MYOM1: variants seen among roughly 807,000 people sequenced by gnomAD.
The protein encoded by MYOM1 is myomesin-1.
Under a neutral mutation model 205.3 loss-of-function variants are expected in MYOM1, and 164 were observed. That is an observed-to-expected ratio of 0.80 (90% CI 0.70 to 0.91). The LOEUF (loss-of-function observed/expected upper bound fraction) is 0.91, where lower values mean the gene tolerates loss of function less well. MYOM1 is among the 40% of genes least tolerant of loss of function. The probability of loss-of-function intolerance (pLI) is 0.00; values close to 1 mark genes in which losing one functional copy is unlikely to be tolerated. For synonymous variants in MYOM1, 772 were observed against 789.4 expected (o/e 0.98, Z 0.37); for missense variants, 2,011 against 2,127.3 (o/e 0.95, Z 1.08).
chr18:3,202,140 A>C (rs2144211519), intron 2 of MYOM1, among the ~76,000 whole-genome samples: 1 of 152,302 alleles, frequency 6.6e-6, no homozygotes, highest in Admixed American at 6.5e-5. Context: ...AGATAGAAAT[A>C]AGTTAATATG....
the MYOM1 span, among the ~76,000 whole-genome samples, chr18:3,244,133 C>T: frequency 2.8e-3 from 425 of 152,252 alleles, no homozygotes; most frequent in South Asian, 6.0e-3. Context: ...TTCGCAGCGT[C>T]CCTGGCTTCT....
chr18:3,231,642 C>A, the MYOM1 span, among the ~76,000 whole-genome samples: 1 of 148,978 alleles, frequency 6.7e-6, no homozygotes, highest in Non-Finnish European at 1.5e-5. Context: ...CGGGTTCAAG[C>A]AATTCTCCTG....
intron 10 of MYOM1, among the ~76,000 whole-genome samples, chr18:3,157,366 C>G (rs1041130768): frequency 6.6e-6 from 1 of 152,108 alleles, no homozygotes; most frequent in African/African-American, 2.4e-5. Context: ...TCATTCAGTA[C>G]TCTTCTAGGT....
At chr18:3,230,820 T>C in the MYOM1 span, among the ~76,000 whole-genome samples, 1 of 152,252 alleles carries the variant, frequency 6.6e-6, no homozygotes, top group Non-Finnish European at 1.5e-5. Flanking sequence ...TCTCTGCTTT[T>C]GTTGCATCAT....
chr18:3,101,373 C>A (rs1366166238), intron 23 of MYOM1, among the ~76,000 whole-genome samples: 1 of 152,066 alleles, frequency 6.6e-6, no homozygotes, highest in African/African-American at 2.4e-5. Context: ...TGCTATAAAG[C>A]AAAGTAAAAA....
chr18:3,078,409 G>T (rs1216380115), intron 34 of MYOM1, among the ~76,000 whole-genome samples: 1 of 128,454 alleles, frequency 7.8e-6, no homozygotes, highest in Non-Finnish European at 1.8e-5. Flanking sequence ...CTTTAATACA[G>T]TATAGACTAT....
At chr18:3,246,447 A>G in the MYOM1 span, 184 of 152,320 alleles carry the variant, frequency 1.2e-3, no homozygotes, top group African/African-American at 3.8e-3. Flanking sequence ...TAGTACCCCA[A>G]GTCATTCTTT....
chr18:3,111,010 G>A (rs973374122), intron 22 of MYOM1, among the ~76,000 whole-genome samples: 1 of 141,810 alleles, frequency 7.1e-6, no homozygotes, highest in Non-Finnish European at 1.5e-5. Context: ...GGAGTGCAAT[G>A]GCACAATCTC....
rs551277782 is a variant in MYOM1 at position 3,106,706 on chromosome 18, C to G, written c.3419-4076G>C. Among the ~76,000 whole-genome samples, 13 of 152,216 alleles carry G rather than the reference C, an allele frequency of 8.5e-5. No individual in the cohort carries two copies. In the East Asian group the frequency reaches 2.3e-3, roughly 27 times the overall value. ...GATGTGGTGGCTGACACCTGTAGCA[C>G]CAGCTACTAGGGAAGCTGAGGTAGG... On this transcript the variant is annotated intron_variant, in intron 22 of 37. Coordinates refer to ENST00000356443, the MANE Select transcript of MYOM1 (RefSeq NM_003803.4).
intron 3 of MYOM1, among the ~76,000 whole-genome samples, chr18:3,191,897 C>T (rs901599670): frequency 7.9e-5 from 12 of 152,096 alleles, no homozygotes; most frequent in Middle Eastern, 3.4e-3. Flanking sequence ...CGGGTTTCAC[C>T]GTGTTAGCCA....
At chr18:3,224,420 G>A (rs1047855178), upstream of MYOM1, among the ~76,000 whole-genome samples, 3 of 152,170 alleles carry the variant, frequency 2.0e-5, no homozygotes, top group African/African-American at 7.2e-5. Flanking sequence ...AGACTGGGAG[G>A]GGCCCCTGTG....
intron 25 of MYOM1, among the ~76,000 whole-genome samples, chr18:3,098,787 T>G (rs2079339741): frequency 6.6e-6 from 1 of 152,190 alleles, no homozygotes; most frequent in Non-Finnish European, 1.5e-5. Context: ...GAAACCTCAC[T>G]CATGATATTA....
At chr18:3,245,643 C>T in the MYOM1 span, among the ~76,000 whole-genome samples, 20 of 152,180 alleles carry the variant, frequency 1.3e-4, no homozygotes, top group Admixed American at 2.0e-4. Flanking sequence ...AATGAATGAA[C>T]ACAGACTACA....
At chr18:3,244,238 C>G in the MYOM1 span, among the ~76,000 whole-genome samples, 4 of 152,168 alleles carry the variant, frequency 2.6e-5, no homozygotes, top group Non-Finnish European at 5.9e-5. Flanking sequence ...CCAACCACCA[C>G]TCCTCCACTA....
In MYOM1 at chr18:3,083,827, A is replaced by C. The variant is rs367695432; in HGVS notation, c.4446T>G (p.Thr1482=). The C allele has an allele frequency of 5.7e-6, 9 of 1,580,694 alleles. No homozygotes were observed. Among genetic ancestry groups the C allele is most frequent in the Non-Finnish European group, 7.7e-6 (9 of 1,162,018 alleles). ...TAACTTTCAAATCCTCCACATAGTA[A>C]GTTACAAAAGAGTACAGTTGGATGC... ...AEGIQLYSFV[T]YYVEDLKVNW... The change falls in exon 33 of 38, where the codon ACT becomes ACG. Residue 1482 remains threonine, a synonymous_variant. Transcript: ENST00000356443.
At chr18:3,237,320 G>T in the MYOM1 span, among the ~76,000 whole-genome samples, 2 of 152,154 alleles carry the variant, frequency 1.3e-5, no homozygotes, top group South Asian at 4.1e-4. Context: ...GAAAGACATG[G>T]CCGGGTGTGG....
intron 17 of MYOM1, among the ~76,000 whole-genome samples, chr18:3,130,270 T>C (rs1350294977): frequency 6.6e-6 from 1 of 152,134 alleles, no homozygotes; most frequent in Non-Finnish European, 1.5e-5. Context: ...CTCAAACTCC[T>C]GACCTCAAGT....
chr18:3,123,680 T>G (rs1198025770), intron 19 of MYOM1, among the ~76,000 whole-genome samples: 1 of 151,414 alleles, frequency 6.6e-6, no homozygotes, highest in Non-Finnish European at 1.5e-5. Context: ...ATTACTATTT[T>G]TTTTTTTTTG....
chr18:3,198,815 T>C (rs2081027749), intron 2 of MYOM1, among the ~76,000 whole-genome samples: 1 of 151,562 alleles, frequency 6.6e-6, no homozygotes, highest in African/African-American at 2.4e-5. Context: ...AGATTTATTC[T>C]CCTGTAGTAA....
Sources: allele counts gnomAD v4.1 joint callset (sites outside exome capture counted in the v4.1 genomes callset), GRCh38; gene constraint gnomAD v4.1.1; transcripts MANE v1.5; gene names NCBI Gene and HGNC (gene_info 2026-07-23, HGNC 2026-07-21).